Variants in CD2AP observed in about 807,000 individuals in gnomAD.
CD2AP encodes the protein CD2 associated protein.
In CD2AP, 46 loss-of-function variants were observed where a neutral mutation model predicts 85.1. The ratio of observed to expected loss-of-function variants is 0.54; its 90% confidence interval spans 0.43 to 0.69. CD2AP has a LOEUF of 0.69. Ranked by LOEUF, CD2AP falls within the 30% of genes least tolerant of loss-of-function variation. The pLI is 0.00. For missense variants in CD2AP, 769 were observed against 729.5 expected, an observed-to-expected ratio of 1.05 and a Z score of -0.62; for synonymous variants, 255 against 252.9, an observed-to-expected ratio of 1.01 and a Z score of -0.08.
chr6:47,507,812 GA>G (rs1766213496), intron 2 of CD2AP, among the ~76,000 whole-genome samples: 1 of 152,178 alleles, frequency 6.6e-6, no homozygotes, highest in Non-Finnish European at 1.5e-5. Flanking sequence ...CTGCAAAATG[GA>G]TATTATGTTA....
chr6:47,601,013 T>C (rs1162233874), intron 13 of CD2AP, among the ~76,000 whole-genome samples: 3 of 152,096 alleles, frequency 2.0e-5, no homozygotes, highest in Middle Eastern at 3.4e-3. Context: ...ATCTTGAATG[T>C]TTTACTTAGT....
Position 47,624,574 on chromosome 6 carries a change from T to G in CD2AP, c.*347T>G. 5.6e-6 allele frequency: 1 copy of G among 179,530 alleles called. No individual in the cohort carries two copies. The highest frequency in any genetic ancestry group is 7.5e-5 in the South Asian group (1 of 13,400). The allele number at this position is 179,530 out of a possible 1,614,324, so 11.1% of individuals were successfully genotyped here. On this transcript the variant is annotated 3_prime_UTR_variant, in exon 18 of 18. Transcript: ENST00000359314. ...GAGATCTATACTATAAATATGGTGA[T>G]ATATTTACAAGTAATCTGTTAAGAT... is the stretch of plus-strand genomic sequence containing the variant.
At chr6:47,620,411 T>C (rs1363095427) in intron 17 of CD2AP, among the ~76,000 whole-genome samples, 1 of 152,238 alleles carries the variant, frequency 6.6e-6, no homozygotes, top group Non-Finnish European at 1.5e-5. Context: ...TCTATGTGCC[T>C]ATATTTATAC....
intron 3 of CD2AP, among the ~76,000 whole-genome samples, chr6:47,540,050 G>A (rs1333642662): frequency 6.6e-6 from 1 of 151,344 alleles, no homozygotes; most frequent in Non-Finnish European, 1.5e-5. Context: ...CAGTATGGTG[G>A]TGAGCGCCTG....
At chr6:47,482,378 G>A (rs1305110922) in intron 1 of CD2AP, among the ~76,000 whole-genome samples, 1 of 145,028 alleles carries the variant, frequency 6.9e-6, no homozygotes, top group East Asian at 2.0e-4. Context: ...TGTTTTTTTT[G>A]TCTTTTTTTT....
At chr6:47,499,252 T>C (rs1765943370) in intron 1 of CD2AP, among the ~76,000 whole-genome samples, 1 of 152,136 alleles carries the variant, frequency 6.6e-6, no homozygotes, top group Non-Finnish European at 1.5e-5. Flanking sequence ...CTCATTACCA[T>C]TGGGATGTTG....
chr6:47,571,910 A>C (rs922569466), intron 5 of CD2AP, among the ~76,000 whole-genome samples: 6 of 152,182 alleles, frequency 3.9e-5, no homozygotes, highest in African/African-American at 1.4e-4. Flanking sequence ...CCTGCTTGCC[A>C]GAAAAAAAAA....
Position 47,551,328 on chromosome 6 carries a change from T to G in CD2AP, c.421-3318T>G, listed in dbSNP as rs571332459. Among the ~76,000 whole-genome samples, 233 of 152,336 alleles carry G rather than the reference T, an allele frequency of 1.5e-3. 1 individual carries two copies. Among genetic ancestry groups the G allele is most frequent in the Middle Eastern group, 3.4e-3 (1 of 294 alleles). On this transcript the variant is annotated intron_variant, in intron 4 of 17. Transcript: ENST00000359314. The stretch of plus-strand genomic sequence containing the variant: ...ACCATGTATTATAGCACAGATTGAT[T>G]TTGTGTCAAAACACCCTGTAATGTA...
At chr6:47,604,281 A>G (rs1184824020) in intron 13 of CD2AP, among the ~76,000 whole-genome samples, 1 of 151,998 alleles carries the variant, frequency 6.6e-6, no homozygotes, top group Non-Finnish European at 1.5e-5. Context: ...ATGAGTCCAA[A>G]ATGTGCACTG....
chr6:47,610,967 A>ATTT (rs1403590301), intron 16 of CD2AP, among the ~76,000 whole-genome samples: 3 of 77,328 alleles, frequency 3.9e-5, no homozygotes, highest in African/African-American at 1.7e-4. Flanking sequence ...ATATATATAT[A>ATTT]TGTATTTTTT....
intron 6 of CD2AP, among the ~76,000 whole-genome samples, chr6:47,575,462 T>G (rs1392053917): frequency 6.6e-6 from 1 of 152,224 alleles, no homozygotes; most frequent in East Asian, 1.9e-4. Flanking sequence ...TTACCCTATA[T>G]AATGGTCTGG....
In CD2AP at chr6:47,503,337, G is replaced by A. The variant is rs559978848; in HGVS notation, c.62G>A (p.Arg21Gln). ...DAVHDDELTIRVGEIIRNVKK... is the reference protein window; with the variant it reads ...DAVHDDELTIQVGEIIRNVKK... ...GTACATGATGATGAATTAACTATTC[G>A]AGTTGGAGAAATCATCAGGAATGTG... Residue 21 changes from arginine to glutamine, a missense_variant, in exon 2 of 18, where the codon CGA (arginine) becomes CAA (glutamine). Arg to Gln is a conservative substitution (Grantham distance 43). Transcript: ENST00000359314. 1.3e-4 allele frequency: 208 copies of A among 1,613,506 alleles called. 1 individual carries two copies. The South Asian group carries it at 2.1e-3, about 16-fold the overall frequency.
intron 17 of CD2AP, among the ~76,000 whole-genome samples, chr6:47,623,641 A>G (rs1008953364): frequency 1.3e-5 from 2 of 152,214 alleles, no homozygotes; most frequent in Non-Finnish European, 2.9e-5. Context: ...AACTATATCA[A>G]GCACCTTGAC....
chr6:47,524,207 G>T (rs1395380021), intron 2 of CD2AP, among the ~76,000 whole-genome samples: 1 of 151,970 alleles, frequency 6.6e-6, no homozygotes, highest in Non-Finnish European at 1.5e-5. Context: ...ATTTCAGATT[G>T]GTCACTACTG....
intron 2 of CD2AP, among the ~76,000 whole-genome samples, chr6:47,524,541 G>A (rs1386979177): frequency 1.3e-5 from 2 of 152,052 alleles, no homozygotes; most frequent in South Asian, 2.1e-4. Context: ...AAAATATTGG[G>A]TTATTTTCAG....
chr6:47,518,844 A>C (rs1265260476), intron 2 of CD2AP, among the ~76,000 whole-genome samples: 1 of 152,194 alleles, frequency 6.6e-6, no homozygotes, highest in Admixed American at 6.5e-5. Flanking sequence ...TTATTTAGAT[A>C]GTGGGTCTCT....
At chr6:47,539,212 TG>T (rs1767137799) in intron 3 of CD2AP, among the ~76,000 whole-genome samples, 1 of 152,210 alleles carries the variant, frequency 6.6e-6, no homozygotes, top group East Asian at 1.9e-4. Flanking sequence ...TGTAAGTGCT[TG>T]ATAAATGTTT....
chr6:47,605,115 A>C lies in CD2AP; in HGVS notation c.1418-1050A>C, dbSNP rs1248020864. Among the ~76,000 whole-genome samples the C allele has an allele frequency of 2.0e-5, 3 of 152,036 alleles. No individual in the cohort carries two copies. In the East Asian group the frequency reaches 5.8e-4, roughly 29 times the overall value. On this transcript the variant is annotated intron_variant, in intron 13 of 17. Transcript: ENST00000359314. ...TTAGAACATATAAATATCTGACAGAAAGTATTATAAACATCTAGGCAGATG... is the reference window on the plus strand; with the variant it reads ...TTAGAACATATAAATATCTGACAGACAGTATTATAAACATCTAGGCAGATG...
chr6:47,600,234 TTAAA>T (rs1372708130), intron 13 of CD2AP, among the ~76,000 whole-genome samples: 2 of 152,050 alleles, frequency 1.3e-5, no homozygotes, highest in Middle Eastern at 3.4e-3. Flanking sequence ...TACAGACACA[TTAAA>T]TAAGCACTAT....
Sources: allele counts gnomAD v4.1 joint callset (sites outside exome capture counted in the v4.1 genomes callset), GRCh38; gene constraint gnomAD v4.1.1; transcripts MANE v1.5; gene names NCBI Gene and HGNC (gene_info 2026-07-23, HGNC 2026-07-21).